The following NSD2 variants were observed in gnomAD, a reference collection of about 807,000 sequenced individuals.
The protein encoded by NSD2 is nuclear receptor binding SET domain protein 2.
A neutral mutation model predicts 139.0 loss-of-function variants in NSD2; 12 were observed. The ratio of observed to expected loss-of-function variants is 0.09; its 90% CI spans 0.06 to 0.14. The LOEUF (loss-of-function observed/expected upper bound fraction) is 0.14, where lower values mean the gene tolerates loss of function less well. Ranked by LOEUF, NSD2 falls within the 10% of genes least tolerant of loss-of-function variation. The pLI is 1.00. For missense variants in NSD2, 1,155 were observed against 1,745.0 expected (o/e 0.66, Z 6.02); for synonymous variants, 669 against 648.7 (o/e 1.03, Z -0.48).
chr4:1,880,671 A>G (rs1458056622), intron 1 of NSD2, among the ~76,000 whole-genome samples: 1 of 152,114 alleles, frequency 6.6e-6, no homozygotes, highest in South Asian at 2.1e-4. Context: ...CAACCAATCT[A>G]CAGGAAATAC....
At chr4:1,907,384 T>C (rs2108767670) in intron 3 of NSD2, among the ~76,000 whole-genome samples, 1 of 152,308 alleles carries the variant, frequency 6.6e-6, no homozygotes, top group South Asian at 2.1e-4. Flanking sequence ...TTAATACTTT[T>C]GTATCTGTTT....
At chr4:1,924,372 G>A (rs938241683) in intron 5 of NSD2, among the ~76,000 whole-genome samples, 6 of 151,914 alleles carry the variant, frequency 3.9e-5, no homozygotes, top group Admixed American at 6.6e-5. Context: ...GGTGGGAACC[G>A]CCCCGTCAGC....
At chr4:1,961,222 T>G in intron 18 of NSD2, 71 bp downstream of exon 18, 1 of 1,294,416 alleles carries the variant, frequency 7.7e-7, no homozygotes, top group South Asian at 1.4e-5. Flanking sequence ...CCTGTAGAAC[T>G]GGACTTTGCC....
chr4:1,981,856 G>A lies in NSD2; in HGVS notation c.*2947G>A. The A allele has an allele frequency of 2.5e-6, 1 of 398,618 alleles. No individual in the cohort carries two copies. Among genetic ancestry groups the A allele is most frequent in the Non-Finnish European group, 4.4e-6 (1 of 226,056 alleles). The allele number at this position is 398,618 out of a possible 1,614,324, so 24.7% of individuals were successfully genotyped here. Reference sequence around the variant, plus strand: ...GAGTGTAGTTGATGACTGTTTGTTAGTCAGTAGAGTAAAATGCTGTGTCCA... The same window carrying A: ...GAGTGTAGTTGATGACTGTTTGTTAATCAGTAGAGTAAAATGCTGTGTCCA... On this transcript the variant is annotated 3_prime_UTR_variant, in exon 22 of 22. Transcript: ENST00000508803.
At chr4:1,923,097 C>A (rs1398644523) in intron 5 of NSD2, among the ~76,000 whole-genome samples, 1 of 152,018 alleles carries the variant, frequency 6.6e-6, no homozygotes, top group African/African-American at 2.4e-5. Context: ...ACTTGGCCAG[C>A]ATGGGAGAGG....
At chr4:1,924,119 A>T (rs1720533171) in intron 5 of NSD2, among the ~76,000 whole-genome samples, 1 of 152,220 alleles carries the variant, frequency 6.6e-6, no homozygotes, top group Non-Finnish European at 1.5e-5. Flanking sequence ...GGATCACTTG[A>T]ATCCAGGAGT....
At position 1,975,357 on chromosome 4, in the gene NSD2, G is replaced by A; in HGVS notation, c.3578G>A (p.Cys1193Tyr). The A allele has an allele frequency of 6.2e-7, 1 of 1,614,206 alleles. No homozygotes were observed. Among genetic ancestry groups the A allele is most frequent in the Non-Finnish European group, 8.5e-7 (1 of 1,180,050 alleles). ...GGCAATGAAAAAACGGTCTGCCGGT[G>A]TGGAGCCTCCAATTGCAGTGGATTC... ...CLGNEKTVCR[C>Y]GASNCSGFLG... The change falls in exon 20 of 22, where the codon TGT (cysteine) becomes TAT (tyrosine). Residue 1193 changes from cysteine (C) to tyrosine (Y), a missense_variant. This residue lies in a region of NSD2 where 139 missense variants were observed against 485.8 expected (regional missense o/e 0.29). Transcript: ENST00000508803.
At chr4:1,926,947 T>C (rs1441956647) in intron 5 of NSD2, among the ~76,000 whole-genome samples, 1 of 152,252 alleles carries the variant, frequency 6.6e-6, no homozygotes, top group Non-Finnish European at 1.5e-5. Flanking sequence ...ATGCATTTAC[T>C]GTCTCACAGT....
intron 7 of NSD2, among the ~76,000 whole-genome samples, chr4:1,935,484 G>T (rs1722283641): frequency 6.6e-6 from 1 of 152,196 alleles, no homozygotes; most frequent in African/African-American, 2.4e-5. Flanking sequence ...AGAAACCGAT[G>T]GTGTGTTGCT....
At chr4:1,899,030 G>A (rs561142680) in intron 1 of NSD2, among the ~76,000 whole-genome samples, 1 of 152,322 alleles carries the variant, frequency 6.6e-6, no homozygotes, top group South Asian at 2.1e-4. Context: ...CCTTGGGACA[G>A]TTGGTATGAT....
Position 1,952,096 on chromosome 4 carries a change from C to T in NSD2, c.2014-12C>T, listed in dbSNP as rs745574055. 2 of 1,613,394 alleles carry T rather than the reference C, an allele frequency of 1.2e-6. No individual in the cohort carries two copies. The highest frequency in any genetic ancestry group is 2.2e-5 in the South Asian group (2 of 91,026). ...GCCGGGCGCTGCTTACCCGCCTGCT[C>T]TGCCCCCGCAGCTGTGTGAGAAGCC... On this transcript the variant is annotated splice_polypyrimidine_tract_variant and intron_variant, in intron 10 of 21. Transcript: ENST00000508803.
In NSD2 at chr4:1,972,355, G is replaced by A. The variant is rs144038154; in HGVS notation, c.3373-2508G>A. Among the ~76,000 whole-genome samples, 40 of 152,352 alleles carry A rather than the reference G, an allele frequency of 2.6e-4. No individual in the cohort carries two copies. In the East Asian group the frequency reaches 6.7e-3, roughly 26 times the overall value. ...TGGAAATCTTCCCCAGTGCAAGCTC[G>A]TTGTAGGTGCGATAAAAATAGCAAA... On this transcript the variant is annotated intron_variant, in intron 18 of 21. Coordinates refer to ENST00000508803, the MANE Select transcript of NSD2 (RefSeq NM_001042424.3). This position sits in a 1 kb window ranked among gnomAD's most constrained non-coding sequence, Gnocchi z 4.0.
At chr4:1,913,085 C>G (rs1718888819) in intron 3 of NSD2, among the ~76,000 whole-genome samples, 1 of 152,240 alleles carries the variant, frequency 6.6e-6, no homozygotes, top group Non-Finnish European at 1.5e-5. Context: ...ATAACAATCT[C>G]TGTTCTACAA....
chr4:1,913,412 G>T (rs1413513218), intron 3 of NSD2, among the ~76,000 whole-genome samples: 1 of 152,208 alleles, frequency 6.6e-6, no homozygotes, highest in East Asian at 1.9e-4. Context: ...AAGCCCACCC[G>T]CAGCCATCCA....
At chr4:1,931,525 A>T (rs186798810) in intron 6 of NSD2, among the ~76,000 whole-genome samples, 29 of 149,280 alleles carry the variant, frequency 1.9e-4, no homozygotes, top group East Asian at 1.6e-3. Flanking sequence ...ATTTAAAATT[A>T]AAAAAAAAAG....
intron 3 of NSD2, among the ~76,000 whole-genome samples, chr4:1,904,962 C>T (rs1198733355): frequency 1.3e-5 from 2 of 152,148 alleles, no homozygotes; most frequent in African/African-American, 4.8e-5. Flanking sequence ...CAAACCGCGT[C>T]TCTACTAAAA....
rs747858571 is a variant in NSD2, at chr4:1,916,986, A to G, written c.876A>G (p.Lys292=). Residue 292 remains lysine, a synonymous_variant, in exon 4 of 22, where the codon AAA becomes AAG. Coordinates refer to ENST00000508803, the MANE Select transcript of NSD2 (RefSeq NM_001042424.3). ...VAFEGEGQFE[K]LCQESAKQAP... The stretch of plus-strand genomic sequence containing the variant: ...TTGAAGGAGAAGGACAGTTTGAAAA[A>G]TTATGCCAGGAAAGTGCCAAGCAGG... 6.2e-7 allele frequency: 1 copy of G among 1,614,134 alleles called. No individual in the cohort carries two copies. Among genetic ancestry groups the G allele is most frequent in the East Asian group, 2.2e-5 (1 of 44,878 alleles).
chr4:1,896,260 G>A lies in NSD2; in HGVS notation c.-29-4366G>A, dbSNP rs1716283653. On this transcript the variant is annotated intron_variant, in intron 1 of 21. Transcript: ENST00000508803. ...TCCTGCACCTCCCTTCTGTATTCCG[G>A]CTGCCAAGCCCCAGCACCTAAACCC... Among the ~76,000 whole-genome samples the A allele has an allele frequency of 2.0e-5, 3 of 152,202 alleles. No individual in the cohort carries two copies. The South Asian group carries it at 6.2e-4, about 32-fold the overall frequency.
intron 6 of NSD2, among the ~76,000 whole-genome samples, chr4:1,931,758 G>C (rs1019019206): frequency 6.6e-6 from 1 of 152,196 alleles, no homozygotes; most frequent in Admixed American, 6.5e-5. Context: ...AACTTCCTCA[G>C]TGTTCATTGC....
Sources: gnomAD v4.1 joint callset for allele counts (sites outside exome capture counted in the v4.1 genomes callset) on GRCh38, gnomAD v4.1.1 for gene constraint, gnomAD v4.1.1 regional missense constraint, Gnocchi (gnomAD v3.1) non-coding constraint, MANE v1.5 for transcripts, NCBI Gene and HGNC (gene_info 2026-07-23, HGNC 2026-07-21) for gene names.